PTPRG: variants seen among roughly 807,000 people sequenced by gnomAD.
PTPRG encodes the protein receptor-type tyrosine-protein phosphatase gamma.
In PTPRG, 102 loss-of-function variants were observed where a neutral mutation model predicts 165.3. The observed-to-expected ratio is 0.62, with a 90% confidence interval of 0.53 to 0.73. The LOEUF (loss-of-function observed/expected upper bound fraction) is 0.73. PTPRG is among the 30% of genes least tolerant of loss of function. The pLI is 0.00. For synonymous variants in PTPRG, 675 were observed against 669.5 expected (o/e 1.01, Z -0.13); for missense variants, 1,866 against 1,861.4 (o/e 1.00, Z -0.05).
At chr3:62,087,620 T>G (rs1423143072) in intron 5 of PTPRG, among the ~76,000 whole-genome samples, 1 of 152,186 alleles carries the variant, frequency 6.6e-6, no homozygotes, top group African/African-American at 2.4e-5. Flanking sequence ...TCAGTATAAA[T>G]TACTCAAAAT....
chr3:62,167,672 G>A (rs1017706351), intron 7 of PTPRG, among the ~76,000 whole-genome samples: 4 of 152,168 alleles, frequency 2.6e-5, no homozygotes, highest in African/African-American at 9.7e-5. Context: ...GCAGGGCACT[G>A]CAGAAAGACT....
At chr3:61,870,850 A>G (rs2037550975) in intron 2 of PTPRG, among the ~76,000 whole-genome samples, 1 of 152,130 alleles carries the variant, frequency 6.6e-6, no homozygotes, top group African/African-American at 2.4e-5. Context: ...TATGAAATAA[A>G]TTAGGTCATT....
intron 2 of PTPRG, among the ~76,000 whole-genome samples, chr3:61,824,661 T>A (rs1034285616): frequency 6.6e-6 from 1 of 152,056 alleles, no homozygotes; most frequent in Non-Finnish European, 1.5e-5. Context: ...ATTAACTAGG[T>A]ATGGTGGCAC....
chr3:61,850,105 G>T (rs1435763122), intron 2 of PTPRG, among the ~76,000 whole-genome samples: 1 of 151,918 alleles, frequency 6.6e-6, no homozygotes, highest in Non-Finnish European at 1.5e-5. Context: ...CTTTTAACGT[G>T]TATGTATGTT....
intron 1 of PTPRG, among the ~76,000 whole-genome samples, chr3:61,716,711 G>A (rs558466106): frequency 2.0e-5 from 3 of 152,262 alleles, no homozygotes; most frequent in Admixed American, 6.5e-5. Context: ...GTTGGCTCAC[G>A]CCTGTAATCC....
At chr3:62,119,418 GCGGC>G (rs928958502) in intron 5 of PTPRG, among the ~76,000 whole-genome samples, 1 of 152,190 alleles carries the variant, frequency 6.6e-6, no homozygotes, top group African/African-American at 2.4e-5. Flanking sequence ...TGAGGAATGA[GCGGC>G]CTAATCAGTG....
At chr3:61,875,153 CTCT>C (rs1416264843) in intron 2 of PTPRG, among the ~76,000 whole-genome samples, 14 of 152,204 alleles carry the variant, frequency 9.2e-5, no homozygotes, top group Non-Finnish European at 1.9e-4. Flanking sequence ...TCAGTTTCTT[CTCT>C]TTTCAGTGTG....
In PTPRG at chr3:62,254,729, A is replaced by T. The variant is rs1473467454; in HGVS notation, c.2468-395A>T. 4.0e-5 allele frequency among the ~76,000 whole-genome samples: 6 copies of T among 151,146 alleles called. No homozygotes were observed. Among genetic ancestry groups the T allele is most frequent in the African/African-American group, 1.5e-4 (6 of 40,978 alleles). On this transcript the variant is annotated intron_variant, in intron 15 of 29. Transcript: ENST00000474889. The surrounding 1 kb of genome is among the most constrained non-coding windows in gnomAD (Gnocchi z 4.6). ...AGCTGGACTCCATTGAACAGCAATT[A>T]AAAAAAAACAACAACAACAACAACA...
chr3:62,110,348 C>T (rs1469697924), intron 5 of PTPRG, among the ~76,000 whole-genome samples: 3 of 152,048 alleles, frequency 2.0e-5, no homozygotes, highest in Non-Finnish European at 4.4e-5. Context: ...GTTCAGCATG[C>T]TCAATAATTG....
chr3:61,605,138 G>A (rs1201843831), intron 1 of PTPRG, among the ~76,000 whole-genome samples: 11 of 152,184 alleles, frequency 7.2e-5, no homozygotes, highest in Admixed American at 5.2e-4. Context: ...ATTTAGTCAC[G>A]CGTCTGTTTA....
At chr3:61,750,301 A>G (rs965535850) in intron 2 of PTPRG, 3 of 152,208 alleles carry the variant, frequency 2.0e-5, no homozygotes, top group Non-Finnish European at 4.4e-5. Context: ...GTGGCTTGCT[A>G]TTTACAGTTC....
Position 62,296,022 on chromosome 3 carries a change from T to C in PTPRG, c.*2715T>C, listed in dbSNP as rs1703048789. The C allele has an allele frequency of 6.6e-6, 1 of 152,176 alleles. No individual in the cohort carries two copies. Among genetic ancestry groups the C allele is most frequent in the Non-Finnish European group, 1.5e-5 (1 of 67,976 alleles). 9.4% of individuals were successfully genotyped at this position (152,176 alleles called of 1,614,324 possible). A position where few individuals can be genotyped will look rare whatever the true frequency, so the allele number is the denominator to read the frequency against. On this transcript the variant is annotated 3_prime_UTR_variant, in exon 30 of 30. Coordinates refer to ENST00000474889, the MANE Select transcript of PTPRG (RefSeq NM_002841.4). ...TAATAAAATAAGCTGTTTGTGTATA[T>C]GAATTTAGCTCTAGGTAAGCAAAAT... is the stretch of plus-strand genomic sequence containing the variant.
chr3:62,152,765 G>A lies in PTPRG; in HGVS notation c.683-4302G>A, dbSNP rs145061236. On this transcript the variant is annotated intron_variant, in intron 6 of 29. Transcript: ENST00000474889. ...ACTAATGGGGGCACCTGAACATATAGCATAATTCCCCCCACCCCACAGGTC... is the reference window on the plus strand; with the variant it reads ...ACTAATGGGGGCACCTGAACATATAACATAATTCCCCCCACCCCACAGGTC... Among the ~76,000 whole-genome samples, 10 of 152,252 alleles carry A rather than the reference G, an allele frequency of 6.6e-5. No individual in the cohort carries two copies. In the South Asian group the frequency reaches 1.0e-3, roughly 16 times the overall value.
At chr3:61,714,684 A>G (rs2031725863) in intron 1 of PTPRG, among the ~76,000 whole-genome samples, 2 of 152,180 alleles carry the variant, frequency 1.3e-5, no homozygotes, top group South Asian at 2.1e-4. Context: ...TTGCTAAACC[A>G]TATACTTGCA....
chr3:62,137,122 A>G (rs1320016249), intron 6 of PTPRG, among the ~76,000 whole-genome samples: 1 of 152,200 alleles, frequency 6.6e-6, no homozygotes, highest in Non-Finnish European at 1.5e-5. Context: ...AAGCACTAAA[A>G]GGTATCTAAT....
At chr3:62,144,249 G>A (rs1364191835) in intron 6 of PTPRG, among the ~76,000 whole-genome samples, 1 of 152,196 alleles carries the variant, frequency 6.6e-6, no homozygotes, top group East Asian at 1.9e-4. Context: ...TCTACTAATA[G>A]TGTTGCCTGC....
At position 61,930,600 on chromosome 3, in the gene PTPRG, A is replaced by T. The variant is rs546672718; in HGVS notation, c.191-59025A>T. Among the ~76,000 whole-genome samples, 69 of 152,370 alleles carry T rather than the reference A, an allele frequency of 4.5e-4. No individual in the cohort carries two copies. In the Middle Eastern group the frequency reaches 0.02, roughly 45 times the overall value. On this transcript the variant is annotated intron_variant, in intron 2 of 29. Transcript: ENST00000474889. Reference sequence around the variant, plus strand: ...GAAAGGATGGAAAATACAGGAAAAGAGTGTGAAAGCCCAAGAACTTAAAGC... The same window carrying T: ...GAAAGGATGGAAAATACAGGAAAAGTGTGTGAAAGCCCAAGAACTTAAAGC...
intron 2 of PTPRG, among the ~76,000 whole-genome samples, chr3:61,855,438 A>C (rs989204184): frequency 6.6e-6 from 1 of 152,062 alleles, no homozygotes; most frequent in Non-Finnish European, 1.5e-5. Flanking sequence ...ATTCTTGCCC[A>C]AGTCTGGTGG....
At chr3:62,153,691 C>T (rs1463597061) in intron 6 of PTPRG, among the ~76,000 whole-genome samples, 1 of 152,180 alleles carries the variant, frequency 6.6e-6, no homozygotes, top group African/African-American at 2.4e-5. Flanking sequence ...GAGATGTTTA[C>T]TGTGTTCCCA....
Sources: allele counts gnomAD v4.1 joint callset (sites outside exome capture counted in the v4.1 genomes callset), GRCh38; gene constraint gnomAD v4.1.1; non-coding constraint Gnocchi (gnomAD v3.1); transcripts MANE v1.5; gene names NCBI Gene and HGNC (gene_info 2026-07-23, HGNC 2026-07-21).